KYNU: variants seen among roughly 807,000 people sequenced by gnomAD.
KYNU encodes kynureninase.
KYNU carries 54 observed loss-of-function variants against 59.2 expected under a neutral mutation model. The ratio of observed to expected loss-of-function variants is 0.91; its 90% CI spans 0.73 to 1.14. The LOEUF is 1.14. Among genes scored for constraint, KYNU ranks in the 50% most tolerant of loss-of-function variants. KYNU has a pLI of 0.00. For synonymous variants in KYNU, 177 were observed against 192.0 expected (o/e 0.92, Z 0.65); for missense variants, 567 against 554.4 (o/e 1.02, Z -0.23).
chr2:142,903,390 T>C (rs2083374), intron 2 of KYNU, among the ~76,000 whole-genome samples: 84,955 of 151,850 alleles, frequency 0.56, 24,803 homozygotes, highest in African/African-American at 0.71. Flanking sequence ...TGTATAATGG[T>C]CCCTGCTTTT....
chr2:142,989,364 T>C (rs1685322333), intron 10 of KYNU: 1 of 998,652 alleles, frequency 1.0e-6, no homozygotes, highest in Admixed American at 5.4e-5. Context: ...ACCAAAGAGT[T>C]TTTCACTGTT....
chr2:142,988,774 G>A, intron 10 of KYNU: 3 of 1,033,096 alleles, frequency 2.9e-6, no homozygotes, highest in East Asian at 2.4e-5. Flanking sequence ...ACTGATCTCA[G>A]TGCTGTCAAC....
At position 142,946,986 on chromosome 2, in the gene KYNU, A is replaced by G. The variant is rs1358460047; in HGVS notation, c.374-7824A>G. On this transcript the variant is annotated intron_variant, in intron 4 of 13. Transcript: ENST00000264170. ...GTACTTTTTGTATTTCAAATAGCCA[A>G]CTTGAGACAAGTTTATTAGTAATTT... is the stretch of plus-strand genomic sequence containing the variant. The G allele has an allele frequency of 2.7e-6, 4 of 1,482,970 alleles. No individual in the cohort carries two copies. The African/African-American group carries it at 5.6e-5, about 21-fold the overall frequency. 91.9% of individuals were successfully genotyped at this position (1,482,970 alleles called of 1,614,324 possible).
chr2:142,957,728 GA>G lies in KYNU; in HGVS notation c.582+16del. ...AAAGCCAAGAGAGGTATATGAGAAA[GA>G]AAGAAATATTTGTCATGCTTTGTTT... On this transcript the variant is annotated intron_variant, in intron 7 of 13. Transcript: ENST00000264170. 2 of 1,500,348 alleles carry G rather than the reference GA, an allele frequency of 1.3e-6. No individual in the cohort carries two copies. Among genetic ancestry groups the G allele is most frequent in the Middle Eastern group, 3.4e-4 (2 of 5,846 alleles). 92.9% of individuals were successfully genotyped at this position (1,500,348 alleles called of 1,614,324 possible). A position where few individuals can be genotyped will look rare whatever the true frequency, so the allele number is the denominator to read the frequency against.
intron 10 of KYNU, among the ~76,000 whole-genome samples, chr2:143,004,899 C>T (rs992710236): frequency 3.3e-5 from 5 of 152,144 alleles, no homozygotes; most frequent in South Asian, 2.1e-4. Flanking sequence ...CCTCTACTAA[C>T]GGGGTCACTA....
rs573681564 is a variant in KYNU, at chr2:143,026,240, AG to A, written c.903-3385del. Among the ~76,000 whole-genome samples, 28 of 152,362 alleles carry A rather than the reference AG, an allele frequency of 1.8e-4. No homozygotes were observed. In the South Asian group the frequency reaches 4.6e-3, roughly 25 times the overall value. Reference sequence around the variant, plus strand: ...TTTTTGTATATATATTCTTTTAAATAGGATTTTTATAATGGCTGCAGAGTAT... The same window carrying A: ...TTTTTGTATATATATTCTTTTAAATAGATTTTTATAATGGCTGCAGAGTAT... On this transcript the variant is annotated intron_variant, in intron 10 of 13. Coordinates refer to ENST00000264170, the MANE Select transcript of KYNU (RefSeq NM_003937.3).
intron 1 of KYNU, among the ~76,000 whole-genome samples, chr2:142,882,728 A>G (rs569191203): frequency 2.0e-4 from 30 of 152,260 alleles, no homozygotes; most frequent in African/African-American, 7.2e-4. Context: ...CCAGTCTATC[A>G]TTGATGGACA....
At chr2:142,887,498 C>T (rs1681557216) in intron 2 of KYNU, among the ~76,000 whole-genome samples, 1 of 152,088 alleles carries the variant, frequency 6.6e-6, no homozygotes, top group African/African-American at 2.4e-5. Flanking sequence ...GATATTAGTA[C>T]ACTCATGTTC....
intron 13 of KYNU, among the ~76,000 whole-genome samples, chr2:143,041,447 A>G (rs1687058041): frequency 6.6e-6 from 1 of 152,042 alleles, no homozygotes. Context: ...TTTGGGGTAT[A>G]AAATAAATTA....
chr2:142,915,733 C>G (rs1001541673), intron 2 of KYNU, among the ~76,000 whole-genome samples: 2 of 152,132 alleles, frequency 1.3e-5, no homozygotes, highest in African/African-American at 4.8e-5. Context: ...GGAGCAAGCC[C>G]TGCTTGTTAA....
chr2:142,982,045 A>G (rs1685066120), intron 8 of KYNU, among the ~76,000 whole-genome samples: 1 of 152,092 alleles, frequency 6.6e-6, no homozygotes, highest in South Asian at 2.1e-4. Context: ...AAACACCTGT[A>G]TTTGTAATTT....
At chr2:142,902,636 G>A (rs188807732) in intron 2 of KYNU, among the ~76,000 whole-genome samples, 3 of 152,170 alleles carry the variant, frequency 2.0e-5, no homozygotes, top group Non-Finnish European at 2.9e-5. Flanking sequence ...TTAACCTGCT[G>A]TAAGCAGAGC....
intron 2 of KYNU, among the ~76,000 whole-genome samples, chr2:142,914,872 G>A (rs1295573389): frequency 6.6e-6 from 1 of 152,144 alleles, no homozygotes; most frequent in Non-Finnish European, 1.5e-5. Context: ...GGAAGACAAG[G>A]GAAATCACCA....
intron 2 of KYNU, among the ~76,000 whole-genome samples, chr2:142,903,927 G>C (rs557431670): frequency 6.6e-6 from 1 of 152,154 alleles, no homozygotes; most frequent in Non-Finnish European, 1.5e-5. Flanking sequence ...CTCCGAAGTC[G>C]TGCTTGCCTG....
At chr2:142,884,862 A>G (rs1411729770) in intron 1 of KYNU, among the ~76,000 whole-genome samples, 1 of 149,530 alleles carries the variant, frequency 6.7e-6, no homozygotes, top group Non-Finnish European at 1.5e-5. Flanking sequence ...GCCTGCCACC[A>G]TGCCACCTTT....
At chr2:142,968,099 A>G (rs2105116830) in intron 8 of KYNU, among the ~76,000 whole-genome samples, 1 of 152,314 alleles carries the variant, frequency 6.6e-6, no homozygotes, top group Non-Finnish European at 1.5e-5. Flanking sequence ...CTTAGTGTAT[A>G]AGAAGAATCC....
intron 4 of KYNU, among the ~76,000 whole-genome samples, chr2:142,935,977 G>T (rs1683378395): frequency 6.6e-6 from 1 of 152,166 alleles, no homozygotes; most frequent in Non-Finnish European, 1.5e-5. Flanking sequence ...AGCTGACTGG[G>T]AAGGTGGTGG....
At chr2:143,031,474 C>T (rs1264856183) in intron 11 of KYNU, among the ~76,000 whole-genome samples, 1 of 152,150 alleles carries the variant, frequency 6.6e-6, no homozygotes, top group African/African-American at 2.4e-5. Context: ...CCTGTAATCC[C>T]AGCACTTTGG....
intron 8 of KYNU, among the ~76,000 whole-genome samples, chr2:142,975,672 C>T (rs1344002342): frequency 6.6e-6 from 1 of 152,192 alleles, no homozygotes; most frequent in Non-Finnish European, 1.5e-5. Context: ...ACACCCAGGT[C>T]GCAAATCCTC....
Sources: allele counts gnomAD v4.1 joint callset (sites outside exome capture counted in the v4.1 genomes callset), GRCh38; gene constraint gnomAD v4.1.1; transcripts MANE v1.5; gene names NCBI Gene and HGNC (gene_info 2026-07-23, HGNC 2026-07-21).